ATP8A2: variants seen among roughly 807,000 people sequenced by gnomAD.
The protein encoded by ATP8A2 is phospholipid-transporting ATPase IB.
In ATP8A2, 100 loss-of-function variants were observed where a neutral mutation model predicts 165.6. The ratio of observed to expected loss-of-function variants is 0.60; its 90% CI spans 0.51 to 0.71. The LOEUF (loss-of-function observed/expected upper bound fraction) is 0.71. Ranked by LOEUF, ATP8A2 falls within the 30% of genes least tolerant of loss-of-function variation. The pLI is 0.00. For synonymous variants in ATP8A2, 543 were observed against 548.8 expected, an observed-to-expected ratio of 0.99 and a Z score of 0.15; for missense variants, 1,227 against 1,479.5, an observed-to-expected ratio of 0.83 and a Z score of 2.80.
chr13:25,708,557 G>A (rs1168604653), intron 25 of ATP8A2, among the ~76,000 whole-genome samples: 1 of 151,968 alleles, frequency 6.6e-6, no homozygotes, highest in Admixed American at 6.6e-5. Context: ...TCCCTTGCCT[G>A]ATTTTGACAG....
intron 1 of ATP8A2, among the ~76,000 whole-genome samples, chr13:25,429,668 T>G (rs538167822): frequency 6.6e-6 from 1 of 152,294 alleles, no homozygotes; most frequent in South Asian, 2.1e-4. Flanking sequence ...GAGATACACA[T>G]TCCTCACAAG....
intron 1 of ATP8A2, among the ~76,000 whole-genome samples, chr13:25,427,555 C>G (rs997037803): frequency 6.6e-6 from 1 of 152,060 alleles, no homozygotes; most frequent in Non-Finnish European, 1.5e-5. Flanking sequence ...AACCACTACT[C>G]TACACTAACT....
chr13:25,389,176 G>C (rs1385935431), intron 1 of ATP8A2, among the ~76,000 whole-genome samples: 2 of 152,190 alleles, frequency 1.3e-5, no homozygotes, highest in Non-Finnish European at 2.9e-5. Context: ...TTGAAAATAG[G>C]CAAGTTTGGA....
chr13:25,527,076 C>G (rs2037864725), intron 2 of ATP8A2, among the ~76,000 whole-genome samples: 1 of 152,016 alleles, frequency 6.6e-6, no homozygotes, highest in Non-Finnish European at 1.5e-5. Context: ...TCCTCATATT[C>G]TAGTTTTGGG....
chr13:25,644,324 T>G (rs893386947), intron 24 of ATP8A2, among the ~76,000 whole-genome samples: 4 of 152,254 alleles, frequency 2.6e-5, no homozygotes, highest in African/African-American at 9.6e-5. Context: ...TGAGATCATA[T>G]AGTTTTTGTC....
intron 33 of ATP8A2, among the ~76,000 whole-genome samples, chr13:25,878,204 C>G (rs1952870931): frequency 6.6e-6 from 1 of 152,082 alleles, no homozygotes; most frequent in African/African-American, 2.4e-5. Flanking sequence ...CCACAGGAGC[C>G]CCCTTCTCAG....
At chr13:25,628,129 T>C (rs2041149706) in intron 24 of ATP8A2, among the ~76,000 whole-genome samples, 1 of 152,178 alleles carries the variant, frequency 6.6e-6, no homozygotes, top group Non-Finnish European at 1.5e-5. Context: ...CCACAAAGCC[T>C]GACTGGACAC....
chr13:25,896,605 G>C (rs539586821), intron 33 of ATP8A2, among the ~76,000 whole-genome samples: 6 of 152,122 alleles, frequency 3.9e-5, no homozygotes, highest in Non-Finnish European at 8.8e-5. Context: ...CTTCTGTCTC[G>C]TTGATCTGTC....
intron 25 of ATP8A2, among the ~76,000 whole-genome samples, chr13:25,714,062 G>A (rs2043206364): frequency 6.6e-6 from 1 of 151,996 alleles, no homozygotes; most frequent in African/African-American, 2.4e-5. Context: ...TTAACTATCA[G>A]CTTTGATTAA....
chr13:25,898,465 C>G (rs560154640), intron 33 of ATP8A2, among the ~76,000 whole-genome samples: 2 of 152,312 alleles, frequency 1.3e-5, no homozygotes, highest in South Asian at 4.1e-4. Flanking sequence ...TTAGGCTACT[C>G]GGGGGTCAGG....
chr13:25,409,279 A>G lies in ATP8A2; in HGVS notation c.76+36991A>G, dbSNP rs2033898491. Among the ~76,000 whole-genome samples, 5 of 152,144 alleles carry G rather than the reference A, an allele frequency of 3.3e-5. 1 individual carries two copies. In the South Asian group the frequency reaches 1.0e-3, roughly 32 times the overall value. ...AATTTTCTGGGCCTCATTTCCTTTC[A>G]GGGAGAAAGGGAATAATTATGGACA... On this transcript the variant is annotated intron_variant, in intron 1 of 36. Coordinates refer to ENST00000381655, the MANE Select transcript of ATP8A2 (RefSeq NM_016529.6).
intron 2 of ATP8A2, among the ~76,000 whole-genome samples, chr13:25,524,884 T>C (rs1373244846): frequency 7.3e-6 from 1 of 137,184 alleles, no homozygotes; most frequent in Admixed American, 7.7e-5. Flanking sequence ...CATTGTTTGA[T>C]AACTTCCTTC....
chr13:25,988,810 A>G (rs1956323243), intron 35 of ATP8A2, among the ~76,000 whole-genome samples: 1 of 152,186 alleles, frequency 6.6e-6, no homozygotes, highest in South Asian at 2.1e-4. Flanking sequence ...TGACTCACCC[A>G]CCGTCTGAAG....
At chr13:25,460,753 G>C (rs757926042) in intron 1 of ATP8A2, among the ~76,000 whole-genome samples, 2 of 152,160 alleles carry the variant, frequency 1.3e-5, no homozygotes, top group Non-Finnish European at 2.9e-5. Context: ...ACCAGCACGT[G>C]TCCCTGCTCA....
chr13:25,882,863 G>T (rs1439398848), intron 33 of ATP8A2, among the ~76,000 whole-genome samples: 1 of 151,880 alleles, frequency 6.6e-6, no homozygotes, highest in Non-Finnish European at 1.5e-5. Context: ...TTCTTAAACT[G>T]GGCATGTTGT....
chr13:25,791,134 C>A (rs1266127624), intron 27 of ATP8A2, among the ~76,000 whole-genome samples: 1 of 152,048 alleles, frequency 6.6e-6, no homozygotes, highest in East Asian at 1.9e-4. Context: ...TGGAATCAAC[C>A]CAAATGCCCA....
intron 25 of ATP8A2, among the ~76,000 whole-genome samples, chr13:25,709,493 A>G (rs2043117622): frequency 6.6e-6 from 1 of 152,024 alleles, no homozygotes. Flanking sequence ...TAATTTCTCT[A>G]TATAAAATCA....
chr13:25,939,644 A>T (rs60850144), intron 33 of ATP8A2, among the ~76,000 whole-genome samples: 1 of 151,950 alleles, frequency 6.6e-6, no homozygotes, highest in South Asian at 2.1e-4. Flanking sequence ...TGGGAGGTCC[A>T]TGTCCACAAT....
intron 24 of ATP8A2, among the ~76,000 whole-genome samples, chr13:25,691,770 A>G (rs2042730460): frequency 6.6e-6 from 1 of 152,248 alleles, no homozygotes; most frequent in South Asian, 2.1e-4. Context: ...GGCAATATTC[A>G]GAGCAAAAAG....
Sources: allele counts gnomAD v4.1 joint callset (sites outside exome capture counted in the v4.1 genomes callset), GRCh38; gene constraint gnomAD v4.1.1; transcripts MANE v1.5; gene names NCBI Gene and HGNC (gene_info 2026-07-23, HGNC 2026-07-21).